Variants in KCNQ1OT1 observed in about 807,000 individuals in gnomAD.
The protein encoded by KCNQ1OT1 is KCNQ1 opposite strand/antisense transcript 1.
rs1284749720 is a variant in KCNQ1OT1, at chr11:2,612,633, CTT to C, written n.87360_87361del. 1 of 398,344 alleles carries C rather than the reference CTT, an allele frequency of 2.5e-6. No individual in the cohort carries two copies. Among genetic ancestry groups the C allele is most frequent in the Non-Finnish European group, 4.4e-6 (1 of 226,040 alleles). 24.7% of individuals were successfully genotyped at this position (398,344 alleles called of 1,614,324 possible). On this transcript the variant is annotated non_coding_transcript_exon_variant, in exon 1 of 1. Transcript: ENST00000597346. This position sits in a 1 kb window ranked among gnomAD's most constrained non-coding sequence, Gnocchi z 5.5. ...TATTGATATTATCTATTTGATGAGTCTTTGTCATCACACTTGCATTCTTTAAT... is the reference window on the plus strand; with the variant it reads ...TATTGATATTATCTATTTGATGAGTCTGTCATCACACTTGCATTCTTTAAT...
rs1192581193 is a variant in KCNQ1OT1, at chr11:2,664,095, C to T, written n.35900G>A. The T allele has an allele frequency of 2.5e-6, 1 of 398,766 alleles. No individual in the cohort carries two copies. Among genetic ancestry groups the T allele is most frequent in the East Asian group, 3.6e-5 (1 of 28,082 alleles). 24.7% of individuals were successfully genotyped at this position (398,766 alleles called of 1,614,324 possible). A position where few individuals can be genotyped will look rare whatever the true frequency, so the allele number is the denominator to read the frequency against. On this transcript the variant is annotated non_coding_transcript_exon_variant, in exon 1 of 1. Transcript: ENST00000597346. This position sits in a 1 kb window ranked among gnomAD's most constrained non-coding sequence, Gnocchi z 5.1. Reference sequence around the variant, plus strand: ...GTGGGCCCAGGCAGGTCAGAGACTCCAGTCATTACCCAACCAGGTCCCTGC... The same window carrying T: ...GTGGGCCCAGGCAGGTCAGAGACTCTAGTCATTACCCAACCAGGTCCCTGC...
chr11:2,670,307 G>T lies in KCNQ1OT1; in HGVS notation n.29688C>A. On this transcript the variant is annotated non_coding_transcript_exon_variant, in exon 1 of 1. Coordinates refer to ENST00000597346, the Ensembl canonical transcript of KCNQ1OT1. This position sits in a 1 kb window ranked among gnomAD's most constrained non-coding sequence, Gnocchi z 4.9. ...GCAACCCATAGGTGCCCAATGGAGA[G>T]ATAATCTCAAATATGGTAGCAGAGT... is the stretch of plus-strand genomic sequence containing the variant. The T allele has an allele frequency of 2.5e-6, 1 of 398,602 alleles. No individual in the cohort carries two copies. The highest frequency in any genetic ancestry group is 4.4e-5 in the Admixed American group (1 of 22,724). 24.7% of individuals were successfully genotyped at this position (398,602 alleles called of 1,614,324 possible). A position where few individuals can be genotyped will look rare whatever the true frequency, so the allele number is the denominator to read the frequency against.
exon 1 of KCNQ1OT1, chr11:2,699,252 A>G: frequency 2.5e-6 from 1 of 398,770 alleles, no homozygotes; most frequent in Non-Finnish European, 4.4e-6. Flanking sequence ...TAAGGTGCAG[A>G]TGGGAGCGCA....
chr11:2,612,085 T>C lies in KCNQ1OT1; in HGVS notation n.87910A>G, dbSNP rs1018932582. ...TTAATTACACATACATTGTTACACA[T>C]CCTGTTAGGACAGGGGTTCCCAACC... On this transcript the variant is annotated non_coding_transcript_exon_variant, in exon 1 of 1. Transcript: ENST00000597346. The surrounding 1 kb of genome is among the most constrained non-coding windows in gnomAD (Gnocchi z 5.5). 2.0e-5 allele frequency: 8 copies of C among 398,648 alleles called. No individual in the cohort carries two copies. Among genetic ancestry groups the C allele is most frequent in the African/African-American group, 1.6e-4 (8 of 48,766 alleles). 24.7% of individuals were successfully genotyped at this position (398,648 alleles called of 1,614,324 possible). A position where few individuals can be genotyped will look rare whatever the true frequency, so the allele number is the denominator to read the frequency against.
Position 2,642,331 on chromosome 11 carries a change from T to C in KCNQ1OT1, n.57664A>G, listed in dbSNP as rs1849592726. ...TTCCTTGTTAGAGGTTTCTCACCTC[T>C]TTGGTTAAACTCATTCCTAGATTTT... is the stretch of plus-strand genomic sequence containing the variant. On this transcript the variant is annotated non_coding_transcript_exon_variant, in exon 1 of 1. Transcript: ENST00000597346. The surrounding 1 kb of genome is among the most constrained non-coding windows in gnomAD (Gnocchi z 4.3). 1.0e-5 allele frequency: 4 copies of C among 398,152 alleles called. No homozygotes were observed. The highest frequency in any genetic ancestry group is 1.8e-5 in the Non-Finnish European group (4 of 225,866). 24.7% of individuals were successfully genotyped at this position (398,152 alleles called of 1,614,324 possible).
exon 1 of KCNQ1OT1, chr11:2,688,911 C>T (rs1434445717): frequency 7.5e-6 from 3 of 399,018 alleles, no homozygotes; most frequent in Non-Finnish European, 1.3e-5. Context: ...GCTAGGGCCA[C>T]CCCACACAGG....
Position 2,613,492 on chromosome 11 carries a change from C to T in KCNQ1OT1, n.86503G>A, listed in dbSNP as rs185276398. 114 of 398,540 alleles carry T rather than the reference C, an allele frequency of 2.9e-4. No homozygotes were observed. The highest frequency in any genetic ancestry group is 2.5e-3 in the East Asian group (70 of 28,074). 24.7% of individuals were successfully genotyped at this position (398,540 alleles called of 1,614,324 possible). On this transcript the variant is annotated non_coding_transcript_exon_variant, in exon 1 of 1. Coordinates refer to ENST00000597346, the Ensembl canonical transcript of KCNQ1OT1. The surrounding 1 kb of genome is among the most constrained non-coding windows in gnomAD (Gnocchi z 4.8). ...CTTTGTTGCTGGTCCTCAAGCCTAC[C>T]GTGCCCCTGAGCTTGGGTGGGGAGA...
At position 2,621,354 on chromosome 11, in the gene KCNQ1OT1, A is replaced by G. The variant is rs1407654983; in HGVS notation, n.78641T>C. The G allele has an allele frequency of 2.5e-6, 1 of 398,440 alleles. No homozygotes were observed. Among genetic ancestry groups the G allele is most frequent in the African/African-American group, 2.1e-5 (1 of 48,596 alleles). 24.7% of individuals were successfully genotyped at this position (398,440 alleles called of 1,614,324 possible). A position where few individuals can be genotyped will look rare whatever the true frequency, so the allele number is the denominator to read the frequency against. On this transcript the variant is annotated non_coding_transcript_exon_variant, in exon 1 of 1. Coordinates refer to ENST00000597346, the Ensembl canonical transcript of KCNQ1OT1. This position sits in a 1 kb window ranked among gnomAD's most constrained non-coding sequence, Gnocchi z 5.7. ...GGCTACTTCTGTATTTTCTTTTAAG[A>G]AATGTATGTTCCTGTCCTTTGCCAA...
chr11:2,648,258 A>G, exon 1 of KCNQ1OT1: 1 of 398,204 alleles, frequency 2.5e-6, no homozygotes, highest in Non-Finnish European at 4.4e-6. Context: ...TTTACCTTTT[A>G]TCTCTATTTC....
In KCNQ1OT1 at chr11:2,647,618, G is replaced by T. The variant is rs140861756; in HGVS notation, n.52377C>A. 1 of 398,370 alleles carries T rather than the reference G, an allele frequency of 2.5e-6. No homozygotes were observed. The highest frequency in any genetic ancestry group is 3.6e-5 in the East Asian group (1 of 28,064). 24.7% of individuals were successfully genotyped at this position (398,370 alleles called of 1,614,324 possible). ...TTTGGTAGAATTCAGTAGAAAACCC[G>T]TGCAATCCTGAGGTTTTCTTTACTG... On this transcript the variant is annotated non_coding_transcript_exon_variant, in exon 1 of 1. Coordinates refer to ENST00000597346, the Ensembl canonical transcript of KCNQ1OT1. This position sits in a 1 kb window ranked among gnomAD's most constrained non-coding sequence, Gnocchi z 4.0.
chr11:2,676,304 A>T lies in KCNQ1OT1; in HGVS notation n.23691T>A, dbSNP rs902540209. The T allele has an allele frequency of 7.5e-6, 3 of 398,552 alleles. No homozygotes were observed. Among genetic ancestry groups the T allele is most frequent in the African/African-American group, 2.1e-5 (1 of 48,644 alleles). The allele number at this position is 398,552 out of a possible 1,614,324, so 24.7% of individuals were successfully genotyped here. A position where few individuals can be genotyped will look rare whatever the true frequency, so the allele number is the denominator to read the frequency against. On this transcript the variant is annotated non_coding_transcript_exon_variant, in exon 1 of 1. Transcript: ENST00000597346. The surrounding 1 kb of genome is among the most constrained non-coding windows in gnomAD (Gnocchi z 4.2). Reference sequence around the variant, plus strand: ...TACATGTATACAGACACACGTGTGAACAGGTGATGGCTCTGAACAGTGTAG... The same window carrying T: ...TACATGTATACAGACACACGTGTGATCAGGTGATGGCTCTGAACAGTGTAG...
Position 2,691,687 on chromosome 11 carries a change from G to T in KCNQ1OT1, n.8308C>A, listed in dbSNP as rs946399278. On this transcript the variant is annotated non_coding_transcript_exon_variant, in exon 1 of 1. Coordinates refer to ENST00000597346, the Ensembl canonical transcript of KCNQ1OT1. The surrounding 1 kb of genome is among the most constrained non-coding windows in gnomAD (Gnocchi z 6.4). ...AAACAGAGAACCAGGTGGGGAAGGG[G>T]TCTCTCCCCATCTGTCCAGGGGAGA... is the stretch of plus-strand genomic sequence containing the variant. 5 of 398,520 alleles carry T rather than the reference G, an allele frequency of 1.3e-5. No homozygotes were observed. The highest frequency in any genetic ancestry group is 2.2e-5 in the Non-Finnish European group (5 of 226,066). 24.7% of individuals were successfully genotyped at this position (398,520 alleles called of 1,614,324 possible).
chr11:2,611,020 TTC>T lies in KCNQ1OT1; in HGVS notation n.88973_88974del. The T allele has an allele frequency of 2.5e-6, 1 of 398,456 alleles. No individual in the cohort carries two copies. Among genetic ancestry groups the T allele is most frequent in the African/African-American group, 2.1e-5 (1 of 48,704 alleles). 24.7% of individuals were successfully genotyped at this position (398,456 alleles called of 1,614,324 possible). A position where few individuals can be genotyped will look rare whatever the true frequency, so the allele number is the denominator to read the frequency against. The stretch of plus-strand genomic sequence containing the variant: ...TGTCTATTATTGTTCAGTTGTCTGT[TTC>T]TCTCTTCATTTCTGACAGTTTTATT... On this transcript the variant is annotated non_coding_transcript_exon_variant, in exon 1 of 1. Coordinates refer to ENST00000597346, the Ensembl canonical transcript of KCNQ1OT1. The surrounding 1 kb of genome is among the most constrained non-coding windows in gnomAD (Gnocchi z 5.3).
chr11:2,699,878 C>CG (rs1850763723), exon 1 of KCNQ1OT1: 1 of 398,170 alleles, frequency 2.5e-6, no homozygotes, highest in African/African-American at 2.1e-5. Flanking sequence ...GCTGAGGAGC[C>CG]CCGGGGAGGA....
exon 1 of KCNQ1OT1, chr11:2,641,901 G>A (rs1849585197): frequency 2.5e-6 from 1 of 398,338 alleles, no homozygotes. Flanking sequence ...TCTTTTCCCA[G>A]TGTATGTTCT....
exon 1 of KCNQ1OT1, chr11:2,628,989 A>G (rs959515180): frequency 2.5e-6 from 1 of 398,312 alleles, no homozygotes; most frequent in African/African-American, 2.1e-5. Flanking sequence ...TACCAGTACC[A>G]TAACTTTGAA....
chr11:2,690,137 C>T lies in KCNQ1OT1; in HGVS notation n.9858G>A, dbSNP rs548032817. 1.3e-5 allele frequency: 5 copies of T among 398,814 alleles called. No homozygotes were observed. The highest frequency in any genetic ancestry group is 1.3e-4 in the South Asian group (1 of 7,864). 24.7% of individuals were successfully genotyped at this position (398,814 alleles called of 1,614,324 possible). On this transcript the variant is annotated non_coding_transcript_exon_variant, in exon 1 of 1. Coordinates refer to ENST00000597346, the Ensembl canonical transcript of KCNQ1OT1. This position sits in a 1 kb window ranked among gnomAD's most constrained non-coding sequence, Gnocchi z 5.1. ...GAACTGGGGGAGCAGGGACAAAAAG[C>T]GGGCAGCCCTCCCCAGCATGACAGG...
exon 1 of KCNQ1OT1, chr11:2,631,446 A>G (rs777123733): frequency 1.3e-5 from 5 of 397,018 alleles, no homozygotes; most frequent in Admixed American, 8.9e-5. Flanking sequence ...TAGGATTTCT[A>G]TTTCTTTATT....
rs1850033351 is a variant in KCNQ1OT1 at position 2,664,732 on chromosome 11, G to A, written n.35263C>T. The A allele has an allele frequency of 2.5e-6, 1 of 398,624 alleles. No homozygotes were observed. Among genetic ancestry groups the A allele is most frequent in the Non-Finnish European group, 4.4e-6 (1 of 226,144 alleles). The allele number at this position is 398,624 out of a possible 1,614,324, so 24.7% of individuals were successfully genotyped here. On this transcript the variant is annotated non_coding_transcript_exon_variant, in exon 1 of 1. Transcript: ENST00000597346. The surrounding 1 kb of genome is among the most constrained non-coding windows in gnomAD (Gnocchi z 5.1). The stretch of plus-strand genomic sequence containing the variant: ...GAGAGGCACACGCCCTGGTGTGTGT[G>A]AGGGACAGGGATGTGTGCTGGGGTC...
Sources: allele counts gnomAD v4.1 joint callset, GRCh38; gene constraint gnomAD v4.1.1; non-coding constraint Gnocchi (gnomAD v3.1); transcripts MANE v1.5; gene names NCBI Gene and HGNC (gene_info 2026-07-23, HGNC 2026-07-21).